The following LRMDA variants were observed in gnomAD, a reference collection of about 807,000 sequenced individuals.
LRMDA encodes the protein leucine rich melanocyte differentiation associated.
Under a neutral mutation model 29.8 loss-of-function variants are expected in LRMDA, and 18 were observed. That is an observed-to-expected ratio of 0.60 (90% CI 0.42 to 0.90). The LOEUF (loss-of-function observed/expected upper bound fraction) is 0.90, where lower values mean the gene tolerates loss of function less well. LRMDA is among the 40% of genes least tolerant of loss of function. LRMDA has a pLI of 0.00. For synonymous variants in LRMDA, 125 were observed against 109.4 expected, an observed-to-expected ratio of 1.14 and a Z score of -0.89; for missense variants, 273 against 273.9, an observed-to-expected ratio of 1.00 and a Z score of 0.02.
At chr10:76,008,885 T>C (rs1168395625) in intron 2 of LRMDA, among the ~76,000 whole-genome samples, 2 of 152,246 alleles carry the variant, frequency 1.3e-5, no homozygotes, top group Non-Finnish European at 2.9e-5. Flanking sequence ...TCTTAGAAAC[T>C]TTTAAGTGGA....
At chr10:75,512,823 T>C (rs906549787) in intron 2 of LRMDA, among the ~76,000 whole-genome samples, 1 of 152,190 alleles carries the variant, frequency 6.6e-6, no homozygotes, top group Admixed American at 6.5e-5. Flanking sequence ...TCATTTAAAG[T>C]ATACCTGTGT....
At chr10:76,212,040 T>C (rs1004419054) in intron 5 of LRMDA, among the ~76,000 whole-genome samples, 4 of 152,164 alleles carry the variant, frequency 2.6e-5, no homozygotes, top group Non-Finnish European at 4.4e-5. Flanking sequence ...ATTCACTAGC[T>C]TCTTGGTTCA....
chr10:75,583,405 C>A (rs563130212), intron 2 of LRMDA, among the ~76,000 whole-genome samples: 1 of 152,092 alleles, frequency 6.6e-6, no homozygotes, highest in Non-Finnish European at 1.5e-5. Flanking sequence ...AAAGGAGGAG[C>A]CAGAATTTCA....
chr10:76,159,583 GGTGCTTATGGCAACTTTA>G (rs1850607039), intron 5 of LRMDA, among the ~76,000 whole-genome samples: 1 of 152,150 alleles, frequency 6.6e-6, no homozygotes, highest in South Asian at 2.1e-4. Flanking sequence ...CTTGCGTTCA[GGTGCTTATGGCAACTTTA>G]TTCATAACTG....
Position 76,557,488 on chromosome 10 carries a change from T to C in LRMDA, c.*200T>C, listed in dbSNP as rs1208301465. ...TTCTGCCTTAGACTGAGTGGTCACATAGAGATTGACATGATTGCCCTTAAG... is the reference window on the plus strand; with the variant it reads ...TTCTGCCTTAGACTGAGTGGTCACACAGAGATTGACATGATTGCCCTTAAG... On this transcript the variant is annotated 3_prime_UTR_variant, in exon 7 of 7. Transcript: ENST00000611255. 2 of 601,174 alleles carry C rather than the reference T, an allele frequency of 3.3e-6. No homozygotes were observed. The highest frequency in any genetic ancestry group is 3.7e-5 in the African/African-American group (2 of 53,810). 37.2% of individuals were successfully genotyped at this position (601,174 alleles called of 1,614,324 possible). A position where few individuals can be genotyped will look rare whatever the true frequency, so the allele number is the denominator to read the frequency against.
intron 2 of LRMDA, among the ~76,000 whole-genome samples, chr10:75,569,295 G>A (rs930514166): frequency 4.6e-5 from 7 of 152,176 alleles, no homozygotes; most frequent in African/African-American, 1.7e-4. Context: ...GTTTGGGCAT[G>A]CCACTATGTC....
chr10:75,981,928 C>G (rs1306184051), intron 2 of LRMDA, among the ~76,000 whole-genome samples: 1 of 151,894 alleles, frequency 6.6e-6, no homozygotes, highest in Non-Finnish European at 1.5e-5. Context: ...CTTTCATACA[C>G]CAGGTACAGC....
chr10:75,614,073 C>T (rs1474249655), intron 2 of LRMDA, among the ~76,000 whole-genome samples: 1 of 152,116 alleles, frequency 6.6e-6, no homozygotes, highest in Non-Finnish European at 1.5e-5. Context: ...CACATTTTCT[C>T]CTGGAATATC....
At chr10:76,138,723 G>C (rs1018116341) in intron 5 of LRMDA, among the ~76,000 whole-genome samples, 1 of 152,128 alleles carries the variant, frequency 6.6e-6, no homozygotes, top group Non-Finnish European at 1.5e-5. Context: ...ATTACAAATA[G>C]ATTTATTGTA....
At chr10:75,877,682 G>T (rs1186689885) in intron 2 of LRMDA, among the ~76,000 whole-genome samples, 2 of 152,206 alleles carry the variant, frequency 1.3e-5, no homozygotes, top group Admixed American at 1.3e-4. Flanking sequence ...AATACCTGGA[G>T]GTAGTTAGTA....
intron 6 of LRMDA, among the ~76,000 whole-genome samples, chr10:76,355,725 A>C (rs930415038): frequency 6.6e-6 from 1 of 152,210 alleles, no homozygotes; most frequent in Non-Finnish European, 1.5e-5. Context: ...GTCTAACTGC[A>C]TAAGTTGTAT....
chr10:75,502,569 G>A (rs941617309), intron 2 of LRMDA, among the ~76,000 whole-genome samples: 2 of 152,018 alleles, frequency 1.3e-5, no homozygotes, highest in African/African-American at 2.4e-5. Flanking sequence ...AAATGTCTTC[G>A]GGAATGACTC....
At chr10:76,538,496 A>G (rs572969815) in intron 6 of LRMDA, among the ~76,000 whole-genome samples, 110 of 147,534 alleles carry the variant, frequency 7.5e-4, no homozygotes, top group Non-Finnish European at 1.2e-3. Context: ...ATATAGTTAT[A>G]TATGTATATA....
chr10:76,269,546 A>ACTATAT (rs1840043143), intron 5 of LRMDA, among the ~76,000 whole-genome samples: 1 of 152,128 alleles, frequency 6.6e-6, no homozygotes, highest in Admixed American at 6.6e-5. Context: ...ATAGATACAT[A>ACTATAT]CTATATCTAT....
At chr10:75,668,064 A>G (rs371397344) in intron 2 of LRMDA, among the ~76,000 whole-genome samples, 20 of 152,362 alleles carry the variant, frequency 1.3e-4, no homozygotes, top group African/African-American at 4.6e-4. Context: ...CCATGGCCCT[A>G]TAAGCAAGTG....
intron 5 of LRMDA, among the ~76,000 whole-genome samples, chr10:76,285,682 C>T (rs1840263029): frequency 6.6e-6 from 1 of 151,974 alleles, no homozygotes; most frequent in Non-Finnish European, 1.5e-5. Context: ...TTAAAGTTGC[C>T]AATGAAGCTC....
intron 2 of LRMDA, among the ~76,000 whole-genome samples, chr10:76,023,228 A>G (rs2132493501): frequency 6.6e-6 from 1 of 152,272 alleles, no homozygotes; most frequent in East Asian, 1.9e-4. Context: ...AAAGCCCATC[A>G]CTTCACAACC....
intron 2 of LRMDA, among the ~76,000 whole-genome samples, chr10:75,467,205 A>G (rs1031771043): frequency 2.0e-5 from 3 of 152,184 alleles, no homozygotes; most frequent in African/African-American, 7.2e-5. Flanking sequence ...AGCGACCAGT[A>G]GGCTGAACCG....
intron 2 of LRMDA, among the ~76,000 whole-genome samples, chr10:75,689,285 T>C (rs928312256): frequency 6.6e-6 from 1 of 152,240 alleles, no homozygotes; most frequent in Non-Finnish European, 1.5e-5. Flanking sequence ...AAATAATTGC[T>C]GAGCAGTAGG....
Sources: gnomAD v4.1 joint callset for allele counts (sites outside exome capture counted in the v4.1 genomes callset) on GRCh38, gnomAD v4.1.1 for gene constraint, MANE v1.5 for transcripts, NCBI Gene and HGNC (gene_info 2026-07-23, HGNC 2026-07-21) for gene names.